The following MAGI2 variants were observed in gnomAD, a reference collection of about 807,000 sequenced individuals.
MAGI2 encodes the protein membrane-associated guanylate kinase, WW and PDZ domain-containing protein 2.
A neutral mutation model predicts 133.3 loss-of-function variants in MAGI2; 35 were observed. That is an observed-to-expected ratio of 0.26 (90% CI 0.20 to 0.35). The LOEUF is 0.35. Ranked by LOEUF, MAGI2 falls within the 10% of genes least tolerant of loss-of-function variation. MAGI2 has a pLI of 1.00. For missense variants in MAGI2, 1,636 were observed against 1,863.4 expected (o/e 0.88, Z 2.25); for synonymous variants, 729 against 710.6 (o/e 1.03, Z -0.41).
chr7:78,977,171 G>A (rs1804331728), intron 2 of MAGI2, among the ~76,000 whole-genome samples: 2 of 151,676 alleles, frequency 1.3e-5, no homozygotes, highest in Non-Finnish European at 3.0e-5. Context: ...AAGGACTCAT[G>A]GTAGTCAATC....
At chr7:79,394,081 G>T (rs1311798036) in intron 1 of MAGI2, among the ~76,000 whole-genome samples, 1 of 152,084 alleles carries the variant, frequency 6.6e-6, no homozygotes, top group Non-Finnish European at 1.5e-5. Flanking sequence ...CTAAGACTTG[G>T]AGCCACAAGC....
At chr7:78,656,362 A>G (rs1177744542) in intron 2 of MAGI2, among the ~76,000 whole-genome samples, 1 of 152,224 alleles carries the variant, frequency 6.6e-6, no homozygotes, top group Non-Finnish European at 1.5e-5. Context: ...TTCATCCTTT[A>G]AAAAGTAGAT....
At chr7:79,279,878 G>A (rs1358399192) in intron 1 of MAGI2, among the ~76,000 whole-genome samples, 1 of 152,092 alleles carries the variant, frequency 6.6e-6, no homozygotes, top group African/African-American at 2.4e-5. Flanking sequence ...ATATTAGAAG[G>A]CAGTGATTTA....
intron 1 of MAGI2, among the ~76,000 whole-genome samples, chr7:79,330,048 C>G (rs1389084035): frequency 6.6e-6 from 1 of 152,022 alleles, no homozygotes. Context: ...AGCAGATACT[C>G]CAAGTATAGT....
chr7:78,654,386 A>G (rs764125489), intron 2 of MAGI2, among the ~76,000 whole-genome samples: 6 of 152,124 alleles, frequency 3.9e-5, no homozygotes, highest in Non-Finnish European at 8.8e-5. Context: ...TAGATATATC[A>G]GCACCTCCCA....
intron 16 of MAGI2, among the ~76,000 whole-genome samples, chr7:78,154,399 G>A (rs972810740): frequency 7.2e-5 from 11 of 152,186 alleles, no homozygotes; most frequent in African/African-American, 1.9e-4. Context: ...AGCCAGCAGC[G>A]TGCTGACCAG....
chr7:78,444,207 A>G (rs1291467787), intron 6 of MAGI2, among the ~76,000 whole-genome samples: 1 of 152,112 alleles, frequency 6.6e-6, no homozygotes, highest in Non-Finnish European at 1.5e-5. Context: ...GTAATCATAA[A>G]CAACTCAGTT....
chr7:79,299,554 C>CAAAAAA (rs57740248), intron 1 of MAGI2, among the ~76,000 whole-genome samples: 12,011 of 84,348 alleles, frequency 0.14, 3,309 homozygotes, highest in South Asian at 0.23. Flanking sequence ...GACTCCATCT[C>CAAAAAA]AAAAAAAAAA....
intron 9 of MAGI2, among the ~76,000 whole-genome samples, chr7:78,278,778 C>T (rs1031001224): frequency 2.6e-5 from 4 of 152,052 alleles, no homozygotes; most frequent in Admixed American, 6.6e-5. Flanking sequence ...AGTTCCTGTC[C>T]AAGAGTTTCC....
At chr7:78,979,802 A>G (rs1296003713) in intron 2 of MAGI2, among the ~76,000 whole-genome samples, 1 of 151,928 alleles carries the variant, frequency 6.6e-6, no homozygotes. Flanking sequence ...AGAACACACT[A>G]ACGGAAAATG....
intron 9 of MAGI2, 132 bp from the exon 10 acceptor site, chr7:78,256,713 C>T (rs911076697): frequency 2.6e-5 from 19 of 717,572 alleles, no homozygotes; most frequent in Non-Finnish European, 4.1e-5. Context: ...TAGAATAATA[C>T]TTAAAATCAC....
intron 3 of MAGI2, among the ~76,000 whole-genome samples, chr7:78,561,176 T>G (rs748110597): frequency 6.6e-6 from 1 of 152,096 alleles, no homozygotes; most frequent in Non-Finnish European, 1.5e-5. Context: ...AGGAAGATAC[T>G]GAGATCAAGA....
intron 1 of MAGI2, among the ~76,000 whole-genome samples, chr7:79,355,765 A>G (rs181474691): frequency 3.3e-5 from 5 of 152,370 alleles, no homozygotes; most frequent in Admixed American, 3.3e-4. Context: ...CACTGTGATT[A>G]TCAAAACCCC....
intron 2 of MAGI2, among the ~76,000 whole-genome samples, chr7:78,818,218 T>C (rs996277791): frequency 2.0e-5 from 3 of 152,216 alleles, no homozygotes; most frequent in Non-Finnish European, 4.4e-5. Flanking sequence ...TCTTGGCATG[T>C]GTTTTAAGTA....
intron 3 of MAGI2, among the ~76,000 whole-genome samples, chr7:78,560,278 C>T (rs1800271327): frequency 6.6e-6 from 1 of 152,136 alleles, no homozygotes; most frequent in Non-Finnish European, 1.5e-5. Context: ...GAAGTGACAG[C>T]AGAATATTCA....
At chr7:78,058,606 G>A (rs1812904281) in intron 21 of MAGI2, among the ~76,000 whole-genome samples, 1 of 151,924 alleles carries the variant, frequency 6.6e-6, no homozygotes. Flanking sequence ...TGGGTAGCTG[G>A]GACTACAGGC....
chr7:79,299,645 C>A (rs184662262), intron 1 of MAGI2, among the ~76,000 whole-genome samples: 1 of 150,036 alleles, frequency 6.7e-6, no homozygotes. Context: ...AATCGGTTGG[C>A]AAAATAGGTT....
At chr7:78,535,175 G>A (rs1369610624) in intron 3 of MAGI2, among the ~76,000 whole-genome samples, 1 of 152,018 alleles carries the variant, frequency 6.6e-6, no homozygotes, top group Non-Finnish European at 1.5e-5. Flanking sequence ...TGAAGTAAAG[G>A]CTCAAGAGGT....
At chr7:78,586,159 T>TA (rs1310619943) in intron 3 of MAGI2, among the ~76,000 whole-genome samples, 1 of 152,216 alleles carries the variant, frequency 6.6e-6, no homozygotes, top group Non-Finnish European at 1.5e-5. Flanking sequence ...AGAGATTGCG[T>TA]AAGTAGATCA....
Sources: gnomAD v4.1 joint callset for allele counts (sites outside exome capture counted in the v4.1 genomes callset) on GRCh38, gnomAD v4.1.1 for gene constraint, MANE v1.5 for transcripts, NCBI Gene and HGNC (gene_info 2026-07-23, HGNC 2026-07-21) for gene names.